Variants in PDHX observed in about 807,000 individuals in gnomAD.
PDHX encodes pyruvate dehydrogenase protein X component, mitochondrial.
PDHX carries 33 observed loss-of-function variants against 55.3 expected under a neutral mutation model. That is an observed-to-expected ratio of 0.60 (90% CI 0.45 to 0.80). The LOEUF (loss-of-function observed/expected upper bound fraction) is 0.80, where lower values mean the gene tolerates loss of function less well. Among genes scored for constraint, PDHX ranks in the 30% least tolerant of loss-of-function variants. The pLI, the probability that PDHX is intolerant of heterozygous loss-of-function variation, is 0.00. For synonymous variants in PDHX, 226 were observed against 219.4 expected, an observed-to-expected ratio of 1.03 and a Z score of -0.27; for missense variants, 622 against 619.9, an observed-to-expected ratio of 1.00 and a Z score of -0.04.
In PDHX at chr11:34,916,643, G is replaced by T; in HGVS notation, c.-13G>T. 6.2e-7 allele frequency: 1 copy of T among 1,606,236 alleles called. No individual in the cohort carries two copies. Among genetic ancestry groups the T allele is most frequent in the Non-Finnish European group, 8.5e-7 (1 of 1,179,888 alleles). ...AGGCTGTGCTGCGGGCAGCCAGTGA[G>T]AAGGCCGTCAAGATGGCGGCCTCCT... On this transcript the variant is annotated 5_prime_UTR_variant, in exon 1 of 11. Coordinates refer to ENST00000227868, the MANE Select transcript of PDHX (RefSeq NM_003477.3).
At chr11:34,983,287 C>A (rs10742331) in intron 8 of PDHX, among the ~76,000 whole-genome samples, 1 of 152,066 alleles carries the variant, frequency 6.6e-6, no homozygotes, top group African/African-American at 2.4e-5. Context: ...AATAATAAGA[C>A]CTATTTTTGA....
chr11:34,953,489 C>CT (rs757030682), intron 3 of PDHX, among the ~76,000 whole-genome samples: 96 of 152,278 alleles, frequency 6.3e-4, no homozygotes, highest in Non-Finnish European at 1.0e-3. Context: ...GCTATCAACT[C>CT]TAATTTTTTC....
chr11:34,948,295 G>C (rs1052938431), intron 3 of PDHX, among the ~76,000 whole-genome samples: 2 of 152,100 alleles, frequency 1.3e-5, no homozygotes, highest in African/African-American at 4.8e-5. Context: ...CTGTATGTTT[G>C]CCTAATAATT....
chr11:34,995,505 G>C lies in PDHX; in HGVS notation c.*333G>C. 3.0e-6 allele frequency: 1 copy of C among 335,158 alleles called. No homozygotes were observed. Among genetic ancestry groups the C allele is most frequent in the South Asian group, 2.6e-5 (1 of 39,038 alleles). The allele number at this position is 335,158 out of a possible 1,614,324, so 20.8% of individuals were successfully genotyped here. A position where few individuals can be genotyped will look rare whatever the true frequency, so the allele number is the denominator to read the frequency against. ...CATTTGAGCATTTTGGAATATTTGA[G>C]AATGTATGATACATGTAAAATTAAA... On this transcript the variant is annotated 3_prime_UTR_variant, in exon 11 of 11. Coordinates refer to ENST00000227868, the MANE Select transcript of PDHX (RefSeq NM_003477.3).
chr11:34,990,529 A>G (rs1162511797), intron 9 of PDHX, among the ~76,000 whole-genome samples: 15 of 152,056 alleles, frequency 9.9e-5, no homozygotes, highest in Admixed American at 9.8e-4. Flanking sequence ...ATTTGTGGTA[A>G]TTGTGTGGTA....
At chr11:34,977,049 C>G (rs182685474) in intron 7 of PDHX, among the ~76,000 whole-genome samples, 2 of 152,196 alleles carry the variant, frequency 1.3e-5, no homozygotes, top group African/African-American at 4.8e-5. Context: ...TTATATATTT[C>G]TGGAATTCTG....
intron 9 of PDHX, among the ~76,000 whole-genome samples, chr11:34,989,001 A>T (rs1855706246): frequency 6.6e-6 from 1 of 152,210 alleles, no homozygotes; most frequent in African/African-American, 2.4e-5. Flanking sequence ...CACAGCAGGG[A>T]TACATTCTGA....
At chr11:34,924,280 C>T (rs56898019) in intron 1 of PDHX, among the ~76,000 whole-genome samples, 28,827 of 152,058 alleles carry the variant, frequency 0.19, 3,908 homozygotes, top group African/African-American at 0.39. Context: ...CTTACTCTGT[C>T]GCCCAGACTG....
upstream of PDHX, chr11:34,916,519 T>C (rs760569642): frequency 1.4e-6 from 2 of 1,437,288 alleles, no homozygotes; most frequent in Admixed American, 2.4e-5. Context: ...CGGGGCTGGG[T>C]TGGGGGGCGG....
intron 6 of PDHX, among the ~76,000 whole-genome samples, chr11:34,969,735 T>C (rs1485110587): frequency 6.6e-6 from 1 of 152,130 alleles, no homozygotes; most frequent in Admixed American, 6.5e-5. Context: ...TCTCTCTCTG[T>C]GTATGTATGT....
At chr11:34,921,955 TAGACTC>T (rs1244310457) in intron 1 of PDHX, among the ~76,000 whole-genome samples, 13 of 152,150 alleles carry the variant, frequency 8.5e-5, no homozygotes, top group South Asian at 2.1e-4. Flanking sequence ...GGAGAAGAAA[TAGACTC>T]AGAGAGGTTT....
At chr11:34,944,504 TATC>T (rs1368655174) in intron 2 of PDHX, among the ~76,000 whole-genome samples, 1 of 152,184 alleles carries the variant, frequency 6.6e-6, no homozygotes, top group Non-Finnish European at 1.5e-5. Context: ...GGTAAATAAA[TATC>T]ATCTAACATA....
At chr11:34,944,251 C>G (rs960932649) in intron 2 of PDHX, among the ~76,000 whole-genome samples, 1 of 152,018 alleles carries the variant, frequency 6.6e-6, no homozygotes, top group African/African-American at 2.4e-5. Flanking sequence ...TCCCGAGTAG[C>G]TGGGACCACA....
At chr11:34,989,779 A>G (rs1003962231) in intron 9 of PDHX, among the ~76,000 whole-genome samples, 5 of 152,044 alleles carry the variant, frequency 3.3e-5, no homozygotes, top group Non-Finnish European at 5.9e-5. Flanking sequence ...CATATGGTTT[A>G]TTAGTCTTTG....
chr11:34,953,793 G>A (rs372205170), intron 3 of PDHX, among the ~76,000 whole-genome samples: 3 of 152,138 alleles, frequency 2.0e-5, no homozygotes, highest in Non-Finnish European at 2.9e-5. Flanking sequence ...TAACCTCTTC[G>A]TGCCTTAATT....
At position 34,957,912 on chromosome 11, in the gene PDHX, G is replaced by C. The variant is rs368288912; in HGVS notation, c.542+329G>C. On this transcript the variant is annotated intron_variant, in intron 4 of 10. Coordinates refer to ENST00000227868, the MANE Select transcript of PDHX (RefSeq NM_003477.3). ...TTCAATATACCAAACTTGATACTCT[G>C]TTCCCATTTATGGAGTTCTAATTAC... Among the ~76,000 whole-genome samples, 14 of 152,254 alleles carry C rather than the reference G, an allele frequency of 9.2e-5. No individual in the cohort carries two copies. The South Asian group carries it at 2.9e-3, about 32-fold the overall frequency.
rs556575998 is a variant in PDHX at position 34,966,573 on chromosome 11, G to A, written c.642-67G>A. ...TATCTTTTCTCCACATCTCACCTGC[G>A]TTTTCTGAAAGTTCTGTTATATTCC... On this transcript the variant is annotated intron_variant, in intron 5 of 10. Transcript: ENST00000227868. 1.2e-3 allele frequency: 1,695 copies of A among 1,463,736 alleles called. 4 individuals carry two copies. The highest frequency in any genetic ancestry group is 1.4e-3 in the Non-Finnish European group (1,450 of 1,042,918). The allele number at this position is 1,463,736 out of a possible 1,614,324, so 90.7% of individuals were successfully genotyped here.
chr11:34,944,618 T>C (rs1020871736), intron 2 of PDHX, among the ~76,000 whole-genome samples: 1 of 152,250 alleles, frequency 6.6e-6, no homozygotes, highest in Non-Finnish European at 1.5e-5. Context: ...TGAAGTACTT[T>C]CTGTACTGTG....
chr11:34,916,365 G>A (rs1853697582), upstream of PDHX: 2 of 1,570,928 alleles, frequency 1.3e-6, no homozygotes, highest in African/African-American at 2.7e-5. Context: ...CGGCAGCGAG[G>A]CCGCAAATGC....
Sources: allele counts gnomAD v4.1 joint callset (sites outside exome capture counted in the v4.1 genomes callset), GRCh38; gene constraint gnomAD v4.1.1; transcripts MANE v1.5; gene names NCBI Gene and HGNC (gene_info 2026-07-23, HGNC 2026-07-21).